The following STAT1 variants were observed in gnomAD, a reference collection of about 807,000 sequenced individuals.
STAT1 encodes the protein signal transducer and activator of transcription 1.
A neutral mutation model predicts 111.7 loss-of-function variants in STAT1; 24 were observed. That is an observed-to-expected ratio of 0.21 (90% CI 0.16 to 0.30). The LOEUF is 0.30. STAT1 is among the 10% of genes least tolerant of loss of function. The pLI, the probability that STAT1 is intolerant of heterozygous loss-of-function variation, is 1.00. For synonymous variants in STAT1, 332 were observed against 326.5 expected, an observed-to-expected ratio of 1.02 and a Z score of -0.18; for missense variants, 351 against 911.9, an observed-to-expected ratio of 0.38 and a Z score of 7.92.
At position 190,995,250 on chromosome 2, in the gene STAT1, T is replaced by A; in HGVS notation, c.786-31A>T. 1 of 1,612,126 alleles carries A rather than the reference T, an allele frequency of 6.2e-7. No homozygotes were observed. The highest frequency in any genetic ancestry group is 8.5e-7 in the Non-Finnish European group (1 of 1,178,626). On this transcript the variant is annotated intron_variant, in intron 9 of 24. Coordinates refer to ENST00000361099, the MANE Select transcript of STAT1 (RefSeq NM_007315.4). The surrounding 1 kb of genome is among the most constrained non-coding windows in gnomAD (Gnocchi z 4.2). ...AAGACACAAGACACAGATGTCTCTA[T>A]GAGAAACAGTCCAGAAGCAGCCTGG...
At chr2:191,009,530 CTTTA>C (rs1370860351) in intron 3 of STAT1, among the ~76,000 whole-genome samples, 1 of 152,160 alleles carries the variant, frequency 6.6e-6, no homozygotes, top group African/African-American at 2.4e-5. Context: ...ATTAATTTGG[CTTTA>C]TTTCTTTTAA....
Position 190,995,006 on chromosome 2 carries a change from T to G in STAT1, c.944+55A>C. On this transcript the variant is annotated intron_variant, in intron 10 of 24. Coordinates refer to ENST00000361099, the MANE Select transcript of STAT1 (RefSeq NM_007315.4). This position sits in a 1 kb window ranked among gnomAD's most constrained non-coding sequence, Gnocchi z 4.2. The stretch of plus-strand genomic sequence containing the variant: ...TAAATCATCTGAATTAACGGTAAAA[T>G]GTTCCTCTGTATAGACCGATTACAG... 6.5e-7 allele frequency: 1 copy of G among 1,531,964 alleles called. No homozygotes were observed. The highest frequency in any genetic ancestry group is 9.0e-7 in the Non-Finnish European group (1 of 1,109,972). The allele number at this position is 1,531,964 out of a possible 1,614,324, so 94.9% of individuals were successfully genotyped here.
At position 190,978,674 on chromosome 2, in the gene STAT1, T is replaced by C. The variant is rs1692100116; in HGVS notation, c.1873+182A>G. 1 of 761,418 alleles carries C rather than the reference T, an allele frequency of 1.3e-6. No individual in the cohort carries two copies. The highest frequency in any genetic ancestry group is 2.2e-6 in the Non-Finnish European group (1 of 456,766). The allele number at this position is 761,418 out of a possible 1,614,324, so 47.2% of individuals were successfully genotyped here. On this transcript the variant is annotated intron_variant, in intron 21 of 24. Coordinates refer to ENST00000361099, the MANE Select transcript of STAT1 (RefSeq NM_007315.4). The surrounding 1 kb of genome is among the most constrained non-coding windows in gnomAD (Gnocchi z 6.1). The stretch of plus-strand genomic sequence containing the variant: ...CATTTCCACAATATGTTCCAGAGAG[T>C]GAACCACAACCACAAACATTTGTGG...
chr2:190,992,669 CAGAGTGCTCTGAATTTTA>C, intron 10 of STAT1: 1 of 1,258,050 alleles, frequency 7.9e-7, no homozygotes, highest in South Asian at 2.4e-5. Context: ...ACTGCTTGAC[CAGAGTGCTCTGAATTTTA>C]ACACTGGACT....
chr2:190,979,759 C>G lies in STAT1; in HGVS notation c.1727+13G>C. The G allele has an allele frequency of 6.3e-7, 1 of 1,593,608 alleles. No individual in the cohort carries two copies. On this transcript the variant is annotated intron_variant, in intron 20 of 24. Coordinates refer to ENST00000361099, the MANE Select transcript of STAT1 (RefSeq NM_007315.4). The surrounding 1 kb of genome is among the most constrained non-coding windows in gnomAD (Gnocchi z 5.8). ...AAAATATGTTTCAAAATACATCTAT[C>G]GGTGGCCCTTACCCATCATTCCAGA...
In STAT1 at chr2:190,993,123, G is replaced by C. The variant is rs1187615290; in HGVS notation, c.945-1803C>G. The C allele has an allele frequency of 2.4e-6, 1 of 416,612 alleles. No homozygotes were observed. Among genetic ancestry groups the C allele is most frequent in the Non-Finnish European group, 4.6e-6 (1 of 219,058 alleles). The allele number at this position is 416,612 out of a possible 1,614,324, so 25.8% of individuals were successfully genotyped here. Reference sequence around the variant, plus strand: ...TTCCTAGCACTAGTTTCCAAAAACAGAATTCCAAGGGAATCAGCAAATTCC... The same window carrying C: ...TTCCTAGCACTAGTTTCCAAAAACACAATTCCAAGGGAATCAGCAAATTCC... On this transcript the variant is annotated intron_variant, in intron 10 of 24. Coordinates refer to ENST00000361099, the MANE Select transcript of STAT1 (RefSeq NM_007315.4). The surrounding 1 kb of genome is among the most constrained non-coding windows in gnomAD (Gnocchi z 4.1).
rs1241138795 is a variant in STAT1, at chr2:190,997,454, AT to A, written c.785+401del. On this transcript the variant is annotated intron_variant, in intron 9 of 24. Coordinates refer to ENST00000361099, the MANE Select transcript of STAT1 (RefSeq NM_007315.4). This position sits in a 1 kb window ranked among gnomAD's most constrained non-coding sequence, Gnocchi z 7.3. ...CTACAGTGCCCGGCACACAGTAGGCATTTAATAAGTATTACTGGATGGATGA... is the reference window on the plus strand; with the variant it reads ...CTACAGTGCCCGGCACACAGTAGGCATTAATAAGTATTACTGGATGGATGA... Among the ~76,000 whole-genome samples, 10 of 152,224 alleles carry A rather than the reference AT, an allele frequency of 6.6e-5. No individual in the cohort carries two copies. Among genetic ancestry groups the A allele is most frequent in the African/African-American group, 1.9e-4 (8 of 41,470 alleles).
chr2:190,978,607 C>G lies in STAT1; in HGVS notation c.1873+249G>C. On this transcript the variant is annotated intron_variant, in intron 21 of 24. Coordinates refer to ENST00000361099, the MANE Select transcript of STAT1 (RefSeq NM_007315.4). This position sits in a 1 kb window ranked among gnomAD's most constrained non-coding sequence, Gnocchi z 6.1. Reference sequence around the variant, plus strand: ...CATCCTTGATCTGCAGATAACAAACCTGATGCAAAGGAAAGAATTGGCATT... The same window carrying G: ...CATCCTTGATCTGCAGATAACAAACGTGATGCAAAGGAAAGAATTGGCATT... 1 of 556,838 alleles carries G rather than the reference C, an allele frequency of 1.8e-6. No individual in the cohort carries two copies. The highest frequency in any genetic ancestry group is 3.3e-6 in the Non-Finnish European group (1 of 307,384). The allele number at this position is 556,838 out of a possible 1,614,324, so 34.5% of individuals were successfully genotyped here. A position where few individuals can be genotyped will look rare whatever the true frequency, so the allele number is the denominator to read the frequency against.
chr2:190,971,013 A>G lies in STAT1; in HGVS notation c.2239-296T>C, dbSNP rs1299359155. Among the ~76,000 whole-genome samples, 1 of 152,212 alleles carries G rather than the reference A, an allele frequency of 6.6e-6. No homozygotes were observed. Among genetic ancestry groups the G allele is most frequent in the African/African-American group, 2.4e-5 (1 of 41,446 alleles). On this transcript the variant is annotated intron_variant, in intron 24 of 24. Coordinates refer to ENST00000361099, the MANE Select transcript of STAT1 (RefSeq NM_007315.4). The surrounding 1 kb of genome is among the most constrained non-coding windows in gnomAD (Gnocchi z 4.1). ...TGCTGTTATGCAAGTCTGGGGACAG[A>G]GCAACGTGTCAAATCTGCTCATGTG...
Position 191,003,142 on chromosome 2 carries a change from AG to A in STAT1, c.373-1980del, listed in dbSNP as rs1694405255. On this transcript the variant is annotated intron_variant, in intron 5 of 24. Coordinates refer to ENST00000361099, the MANE Select transcript of STAT1 (RefSeq NM_007315.4). This position sits in a 1 kb window ranked among gnomAD's most constrained non-coding sequence, Gnocchi z 4.0. ...GTCATCAAAGTTATTCTCTCTTCAT[AG>A]GAAGTTTTCCTTCATGTTACATATT... is the stretch of plus-strand genomic sequence containing the variant. Among the ~76,000 whole-genome samples, 2 of 152,210 alleles carry A rather than the reference AG, an allele frequency of 1.3e-5. No homozygotes were observed. The highest frequency in any genetic ancestry group is 4.1e-4 in the South Asian group (2 of 4,830).
In STAT1 at chr2:190,975,050, G is replaced by T; in HGVS notation, c.2136-118C>A. 1.1e-6 allele frequency: 1 copy of T among 876,034 alleles called. No individual in the cohort carries two copies. The highest frequency in any genetic ancestry group is 1.9e-6 in the Non-Finnish European group (1 of 533,036). 54.3% of individuals were successfully genotyped at this position (876,034 alleles called of 1,614,324 possible). A position where few individuals can be genotyped will look rare whatever the true frequency, so the allele number is the denominator to read the frequency against. On this transcript the variant is annotated intron_variant, in intron 23 of 24. Coordinates refer to ENST00000361099, the MANE Select transcript of STAT1 (RefSeq NM_007315.4). The surrounding 1 kb of genome is among the most constrained non-coding windows in gnomAD (Gnocchi z 5.9). ...AATTATCACGTTATATTTTTATTTTGGGTAAGTGCATACACTTGTAAAATA... is the reference window on the plus strand; with the variant it reads ...AATTATCACGTTATATTTTTATTTTTGGTAAGTGCATACACTTGTAAAATA...
At position 191,006,633 on chromosome 2, in the gene STAT1, C is replaced by T. The variant is rs749871978; in HGVS notation, c.372+930G>A. On this transcript the variant is annotated intron_variant, in intron 5 of 24. Coordinates refer to ENST00000361099, the MANE Select transcript of STAT1 (RefSeq NM_007315.4). The surrounding 1 kb of genome is among the most constrained non-coding windows in gnomAD (Gnocchi z 4.6). ...TCTGGCATCCATATAGCAATGGGCT[C>T]CTCCAGAACAATCCATAACATGGTG... Among the ~76,000 whole-genome samples the T allele has an allele frequency of 3.3e-5, 5 of 152,198 alleles. No homozygotes were observed. The highest frequency in any genetic ancestry group is 1.3e-4 in the Admixed American group (2 of 15,282).
At chr2:190,985,691 C>T in intron 14 of STAT1, 31 bp from the exon 15 acceptor site, 1 of 1,609,592 alleles carries the variant, frequency 6.2e-7, no homozygotes, top group Non-Finnish European at 8.5e-7. Flanking sequence ...TTAGTAAACA[C>T]CATGGTAATG....
chr2:190,978,595 C>A lies in STAT1; in HGVS notation c.1873+261G>T. The A allele has an allele frequency of 1.9e-6, 1 of 524,310 alleles. No homozygotes were observed. The highest frequency in any genetic ancestry group is 3.5e-6 in the Non-Finnish European group (1 of 286,752). 32.5% of individuals were successfully genotyped at this position (524,310 alleles called of 1,614,324 possible). On this transcript the variant is annotated intron_variant, in intron 21 of 24. Transcript: ENST00000361099. The surrounding 1 kb of genome is among the most constrained non-coding windows in gnomAD (Gnocchi z 6.1). ...TACATTGACTCACATCCTTGATCTG[C>A]AGATAACAAACCTGATGCAAAGGAA...
rs182345508 is a variant in STAT1 at position 191,006,224 on chromosome 2, C to T, written c.372+1339G>A. On this transcript the variant is annotated intron_variant, in intron 5 of 24. Transcript: ENST00000361099. The surrounding 1 kb of genome is among the most constrained non-coding windows in gnomAD (Gnocchi z 4.6). ...GGAAGCCCCATATAATCAAAACTGC[C>T]GGCTGAAAATCTCCCAGGTATATGC... Among the ~76,000 whole-genome samples the T allele has an allele frequency of 1.3e-5, 2 of 152,190 alleles. No individual in the cohort carries two copies. The highest frequency in any genetic ancestry group is 1.5e-5 in the Non-Finnish European group (1 of 68,040).
rs958855255 is a variant in STAT1, at chr2:191,006,056, T to C, written c.372+1507A>G. 1.3e-5 allele frequency among the ~76,000 whole-genome samples: 2 copies of C among 152,212 alleles called. No individual in the cohort carries two copies. The highest frequency in any genetic ancestry group is 1.3e-4 in the Admixed American group (2 of 15,286). On this transcript the variant is annotated intron_variant, in intron 5 of 24. Coordinates refer to ENST00000361099, the MANE Select transcript of STAT1 (RefSeq NM_007315.4). The surrounding 1 kb of genome is among the most constrained non-coding windows in gnomAD (Gnocchi z 4.6). ...GTCACCTACTCTGCTGCCAATGCCA[T>C]CTCTGGGCCAAGGGGCCAAATGTGA...
rs1694146915 is a variant in STAT1, at chr2:190,999,988, A to G, written c.463-284T>C. 6.6e-6 allele frequency among the ~76,000 whole-genome samples: 1 copy of G among 152,144 alleles called. No individual in the cohort carries two copies. On this transcript the variant is annotated intron_variant, in intron 6 of 24. Coordinates refer to ENST00000361099, the MANE Select transcript of STAT1 (RefSeq NM_007315.4). The surrounding 1 kb of genome is among the most constrained non-coding windows in gnomAD (Gnocchi z 4.1). ...GCCTAAATTTTGATTCTTCCTCATC[A>G]TTTTTGAGACTACCTCTGAGATATG...
Position 190,978,973 on chromosome 2 carries a change from G to A in STAT1, c.1756C>T (p.Arg586Ter), listed in dbSNP as rs1315345636. Reference protein sequence around the residue: ...GCIMGFISKERERALLKDQQP... With the variant: ...GCIMGFISKE ...TGGTCCTTCAACAGGGCACGCTCTC[G>A]CTCCTTGCTGATGAAGCCCATGATG... Residue 586 changes from arginine to a stop codon, truncating the protein, a stop_gained, in exon 21 of 25, where the codon CGA becomes TGA. Coordinates refer to ENST00000361099, the MANE Select transcript of STAT1 (RefSeq NM_007315.4). LOFTEE classifies it high-confidence loss of function. The surrounding 1 kb of genome is among the most constrained non-coding windows in gnomAD (Gnocchi z 6.1). 1 of 1,614,164 alleles carries A rather than the reference G, an allele frequency of 6.2e-7. No individual in the cohort carries two copies. The highest frequency in any genetic ancestry group is 1.7e-5 in the Admixed American group (1 of 60,026).
chr2:190,970,344 A>G lies in STAT1; in HGVS notation c.*359T>C. 1 of 360,006 alleles carries G rather than the reference A, an allele frequency of 2.8e-6. No homozygotes were observed. Among genetic ancestry groups the G allele is most frequent in the Non-Finnish European group, 5.4e-6 (1 of 186,894 alleles). 22.3% of individuals were successfully genotyped at this position (360,006 alleles called of 1,614,324 possible). On this transcript the variant is annotated 3_prime_UTR_variant, in exon 25 of 25. Transcript: ENST00000361099. This position sits in a 1 kb window ranked among gnomAD's most constrained non-coding sequence, Gnocchi z 5.4. ...CCACTGATTTATCCAACAACCTATA[A>G]CAGTTGGGCACTGACTTTATGCATA...
Sources: allele counts gnomAD v4.1 joint callset (sites outside exome capture counted in the v4.1 genomes callset), GRCh38; gene constraint gnomAD v4.1.1; non-coding constraint Gnocchi (gnomAD v3.1); transcripts MANE v1.5; gene names NCBI Gene and HGNC (gene_info 2026-07-23, HGNC 2026-07-21).